CALM2: variants seen among roughly 807,000 people sequenced by gnomAD.
The protein encoded by CALM2 is calmodulin-2.
Under a neutral mutation model 19.8 loss-of-function variants are expected in CALM2, and 2 were observed. That is an observed-to-expected ratio of 0.10 (90% CI 0.04 to 0.32). The LOEUF (loss-of-function observed/expected upper bound fraction) is 0.32. Ranked by LOEUF, CALM2 falls within the 10% of genes least tolerant of loss-of-function variation. The probability of loss-of-function intolerance (pLI) is 1.00; values close to 1 mark genes in which losing one functional copy is unlikely to be tolerated. For missense variants in CALM2, 38 were observed against 178.7 expected (o/e 0.21, Z 4.49); for synonymous variants, 51 against 52.1 (o/e 0.98, Z 0.09).
At chr2:47,168,644 A>C (rs968659135) in intron 2 of CALM2, among the ~76,000 whole-genome samples, 1 of 152,178 alleles carries the variant, frequency 6.6e-6, no homozygotes, top group Admixed American at 6.5e-5. Context: ...GAAGCAGAAC[A>C]GCTTGAACCC....
chr2:47,170,625 C>G, intron 2 of CALM2, 109 bp downstream of exon 2: 1 of 865,170 alleles, frequency 1.2e-6, no homozygotes, highest in South Asian at 1.3e-5. Flanking sequence ...TGTTAGTATC[C>G]ATGACATATA....
intron 1 of CALM2, chr2:47,172,807 T>TGG (rs56098000): frequency 1.6e-3 from 58 of 36,724 alleles, no homozygotes; most frequent in East Asian, 2.8e-3. Context: ...CTACATGGGT[T>TGG]GGGGGGGGGG....
intron 5 of CALM2, among the ~76,000 whole-genome samples, chr2:47,161,195 A>T (rs990180065): frequency 1.3e-5 from 2 of 152,212 alleles, no homozygotes; most frequent in Admixed American, 1.3e-4. Flanking sequence ...TCATGAAAAA[A>T]ATACAGAGTT....
intron 5 of CALM2, 42 bp from the exon 6 acceptor site, chr2:47,160,846 A>G: frequency 1.1e-6 from 1 of 915,920 alleles, no homozygotes; most frequent in Admixed American, 3.8e-5. Context: ...CAATAGCAAA[A>G]GACCAAAAAA....
chr2:47,164,578 C>A (rs187684991), intron 2 of CALM2, among the ~76,000 whole-genome samples: 25 of 149,256 alleles, frequency 1.7e-4, no homozygotes, highest in Admixed American at 5.3e-4. Context: ...GCTTGGGCAA[C>A]AGAGTGAGAC....
chr2:47,174,376 T>C (rs1558701949), intron 1 of CALM2, among the ~76,000 whole-genome samples: 1 of 152,024 alleles, frequency 6.6e-6, no homozygotes, highest in Non-Finnish European at 1.5e-5. Flanking sequence ...CCTCAGCCCA[T>C]TGACTAGCCA....
chr2:47,170,810 G>A, intron 1 of CALM2, 46 bp from the exon 2 acceptor site: 1 of 1,515,448 alleles, frequency 6.6e-7, no homozygotes, highest in East Asian at 2.3e-5. Flanking sequence ...AGAGTATGTA[G>A]ATTAGCAGTT....
At position 47,162,644 on chromosome 2, in the gene CALM2, G is replaced by A. The variant is rs778389067; in HGVS notation, c.53C>T (p.Ser18Leu). Residue 18 changes from serine to leucine, a missense_variant, in exon 3 of 6, where the codon TCA becomes TTA. By Grantham distance (145) the Ser-to-Leu change is moderately radical (BLOSUM62 -2). Coordinates refer to ENST00000272298, the MANE Select transcript of CALM2 (RefSeq NM_001743.6). ...TCCATCACCATCTTTGTCAAATAGT[G>A]AAAAAGCTTCTTTGAATTCTGTTTG... ...EQIAEFKEAF[S>L]LFDKDGDGTI... The A allele has an allele frequency of 6.3e-7, 1 of 1,598,362 alleles. No homozygotes were observed. Among genetic ancestry groups the A allele is most frequent in the Non-Finnish European group, 8.5e-7 (1 of 1,173,252 alleles).
chr2:47,170,769 A>G lies in CALM2; in HGVS notation c.4-5T>C. The G allele has an allele frequency of 6.2e-7, 1 of 1,612,042 alleles. No individual in the cohort carries two copies. The highest frequency in any genetic ancestry group is 8.5e-7 in the Non-Finnish European group (1 of 1,178,100). On this transcript the variant is annotated splice_region_variant and splice_polypyrimidine_tract_variant and intron_variant, in intron 1 of 5. Transcript: ENST00000272298. ...CTCTTCAGTCAGTTGGTCAGCCTACAAAGAGATCAAAGAGGAAGGTTAGTG... is the reference window on the plus strand; with the variant it reads ...CTCTTCAGTCAGTTGGTCAGCCTACGAAGAGATCAAAGAGGAAGGTTAGTG...
At chr2:47,176,355 G>A (rs1439734403) in intron 1 of CALM2, 86 bp downstream of exon 1, 7 of 1,525,548 alleles carry the variant, frequency 4.6e-6, no homozygotes, top group East Asian at 2.3e-5. Flanking sequence ...GAAGGTGTAA[G>A]GGAGGCGAGT....
intron 1 of CALM2, 149 bp from the exon 2 acceptor site, chr2:47,170,913 T>A: frequency 1.5e-6 from 1 of 679,262 alleles, no homozygotes; most frequent in East Asian, 2.6e-5. Flanking sequence ...TGCACACATC[T>A]AGTTTCTCTT....
intron 2 of CALM2, among the ~76,000 whole-genome samples, chr2:47,168,539 G>C (rs1168077303): frequency 6.6e-6 from 1 of 151,940 alleles, no homozygotes; most frequent in Non-Finnish European, 1.5e-5. Context: ...GCGAGTTTGA[G>C]ACCAGCCTGA....
intron 1 of CALM2, chr2:47,173,221 G>T (rs1051978000): frequency 6.6e-6 from 1 of 152,146 alleles, no homozygotes; most frequent in Non-Finnish European, 1.5e-5. Flanking sequence ...TGCTACAAAG[G>T]CGAATAAATT....
At chr2:47,175,081 GTT>G (rs563702873) in intron 1 of CALM2, among the ~76,000 whole-genome samples, 14 of 77,940 alleles carry the variant, frequency 1.8e-4, no homozygotes, top group South Asian at 5.0e-4. Context: ...CTCATTAGGT[GTT>G]TTTTTTTTTT....
chr2:47,169,106 G>C (rs931709247), intron 2 of CALM2, among the ~76,000 whole-genome samples: 4 of 152,144 alleles, frequency 2.6e-5, no homozygotes, highest in African/African-American at 9.7e-5. Context: ...TTGTTTAAGA[G>C]AGCAGACCAT....
At chr2:47,172,832 G>A (rs1444471197) in intron 1 of CALM2, 1 of 119,594 alleles carries the variant, frequency 8.4e-6, no homozygotes, top group Non-Finnish European at 1.7e-5. Flanking sequence ...GGTGGGAAAT[G>A]GGACTTTGGG....
intron 1 of CALM2, among the ~76,000 whole-genome samples, chr2:47,175,767 T>TCGAGCGGGGC (rs561730083): frequency 0.033 from 4,972 of 150,140 alleles, 138 homozygotes; most frequent in Non-Finnish European, 0.051. Context: ...CAGCTGGAGC[T>TCGAGCGGGGC]CGAGCGGGGC....
At chr2:47,173,917 G>A (rs1214677378) in intron 1 of CALM2, 3 of 152,168 alleles carry the variant, frequency 2.0e-5, no homozygotes, top group African/African-American at 7.2e-5. Flanking sequence ...AAGATCACTG[G>A]AACAAAATGG....
chr2:47,176,726 G>A, upstream of CALM2: 5 of 1,380,862 alleles, frequency 3.6e-6, no homozygotes, highest in Non-Finnish European at 4.7e-6. Context: ...CATTTCCAGC[G>A]AGCCGTTAAA....
Sources: gnomAD v4.1 joint callset for allele counts (sites outside exome capture counted in the v4.1 genomes callset) on GRCh38, gnomAD v4.1.1 for gene constraint, MANE v1.5 for transcripts, NCBI Gene and HGNC (gene_info 2026-07-23, HGNC 2026-07-21) for gene names.